Variants in KAZN observed in about 807,000 individuals in gnomAD.
KAZN encodes the protein kazrin, periplakin interacting protein.
Under a neutral mutation model 87.4 loss-of-function variants are expected in KAZN, and 40 were observed. The observed-to-expected ratio is 0.46, with a 90% CI of 0.36 to 0.60. The LOEUF (loss-of-function observed/expected upper bound fraction) is 0.60, where lower values mean the gene tolerates loss of function less well. Among genes scored for constraint, KAZN ranks in the 20% least tolerant of loss-of-function variants. KAZN has a pLI of 0.00. For missense variants in KAZN, 898 were observed against 1,073.9 expected (o/e 0.84, Z 2.29); for synonymous variants, 466 against 458.3 (o/e 1.02, Z -0.22).
At chr1:14,532,125 A>C (rs1025346144) in intron 2 of KAZN, among the ~76,000 whole-genome samples, 1 of 152,100 alleles carries the variant, frequency 6.6e-6, no homozygotes, top group Non-Finnish European at 1.5e-5. Context: ...TGTTGTGGGC[A>C]TGACAGCCTC....
rs1037089792 is a variant in KAZN, at chr1:14,592,664, T to C, written c.250-6319T>C. Among the ~76,000 whole-genome samples the C allele has an allele frequency of 4.2e-4, 64 of 152,322 alleles. 1 individual carries two copies. Among genetic ancestry groups the C allele is most frequent in the African/African-American group, 1.4e-3 (60 of 41,570 alleles). The stretch of plus-strand genomic sequence containing the variant: ...CGTTTGCAGGAAGTGGCCTTCAACA[T>C]TGGCTGCAGGGAGCAGGACCCCATT... On this transcript the variant is annotated intron_variant, in intron 2 of 16. Coordinates refer to the KAZN transcript ENST00000636203.
intron 1 of KAZN, among the ~76,000 whole-genome samples, chr1:14,706,839 T>C (rs1050817499): frequency 6.6e-6 from 1 of 152,164 alleles, no homozygotes; most frequent in East Asian, 1.9e-4. Context: ...TTGAGCTGTT[T>C]CTCTTGTAGA....
chr1:14,362,068 T>C (rs960503514), intron 2 of KAZN, among the ~76,000 whole-genome samples: 2 of 152,188 alleles, frequency 1.3e-5, no homozygotes, highest in Admixed American at 1.3e-4. Context: ...TAGCTATTGC[T>C]GCATGACAAT....
At chr1:14,496,036 G>T (rs773219831) in intron 2 of KAZN, among the ~76,000 whole-genome samples, 4 of 152,082 alleles carry the variant, frequency 2.6e-5, no homozygotes, top group Non-Finnish European at 4.4e-5. Flanking sequence ...AGCATTTTGA[G>T]TTTATTAGAC....
At chr1:14,584,737 T>C (rs2473625) in intron 2 of KAZN, among the ~76,000 whole-genome samples, 126,683 of 151,696 alleles carry the variant, frequency 0.84, 53,133 homozygotes, top group African/African-American at 0.92. Flanking sequence ...CTCTGCCTCC[T>C]GGGTTCAAGC....
chr1:14,776,413 C>A (rs1268532850), intron 1 of KAZN, among the ~76,000 whole-genome samples: 1 of 152,206 alleles, frequency 6.6e-6, no homozygotes, highest in South Asian at 2.1e-4. Flanking sequence ...GGCACATGAC[C>A]CAGACCCCTG....
At chr1:14,665,880 G>T (rs558551872) in intron 1 of KAZN, among the ~76,000 whole-genome samples, 10 of 148,730 alleles carry the variant, frequency 6.7e-5, no homozygotes, top group Non-Finnish European at 8.9e-5. Flanking sequence ...AGTGTCCAAG[G>T]GTGTCATTTT....
Position 14,184,809 on chromosome 1 carries a change from C to T in KAZN, c.249+4217C>T, listed in dbSNP as rs967447010. On this transcript the variant is annotated intron_variant, in intron 2 of 16. Coordinates refer to the KAZN transcript ENST00000636203. This position sits in a 1 kb window ranked among gnomAD's most constrained non-coding sequence, Gnocchi z 4.2. ...CCTGGCAGATAGGGAGGGTTAGCGC[C>T]CCAAAGTCAACATCATCTTGCATTG... is the stretch of plus-strand genomic sequence containing the variant. 1.3e-5 allele frequency among the ~76,000 whole-genome samples: 2 copies of T among 152,240 alleles called. No individual in the cohort carries two copies. Among genetic ancestry groups the T allele is most frequent in the Admixed American group, 6.5e-5 (1 of 15,282 alleles).
rs145850255 is a variant in KAZN, at chr1:14,882,154, G to A, written c.227-78530G>A. Among the ~76,000 whole-genome samples the A allele has an allele frequency of 1.8e-4, 28 of 152,288 alleles. No individual in the cohort carries two copies. The East Asian group carries it at 3.7e-3, about 20-fold the overall frequency. On this transcript the variant is annotated intron_variant, in intron 1 of 14. Coordinates refer to ENST00000376030, the MANE Select transcript of KAZN (RefSeq NM_201628.3). ...TAGCCAGAGACTGGCTCATCCTCTCGCCTTGCCCTACAGTTTTTCATAACT... is the reference window on the plus strand; with the variant it reads ...TAGCCAGAGACTGGCTCATCCTCTCACCTTGCCCTACAGTTTTTCATAACT...
chr1:14,527,719 T>C (rs916865969), intron 2 of KAZN, among the ~76,000 whole-genome samples: 1 of 151,958 alleles, frequency 6.6e-6, no homozygotes, highest in Non-Finnish European at 1.5e-5. Flanking sequence ...AGAGAGGAAG[T>C]AAGGAAGAAG....
At chr1:14,624,360 T>C (rs1326855960) in intron 1 of KAZN, among the ~76,000 whole-genome samples, 1 of 151,568 alleles carries the variant, frequency 6.6e-6, no homozygotes, top group Non-Finnish European at 1.5e-5. Flanking sequence ...AGGCGGAGGT[T>C]GCAGTGAGCC....
chr1:14,414,802 A>G (rs988210581), intron 2 of KAZN, among the ~76,000 whole-genome samples: 3 of 152,160 alleles, frequency 2.0e-5, no homozygotes, highest in African/African-American at 7.2e-5. Flanking sequence ...AGGATGATGG[A>G]TCACCTGAGG....
At chr1:14,207,944 T>C (rs1646777645) in intron 2 of KAZN, among the ~76,000 whole-genome samples, 1 of 152,208 alleles carries the variant, frequency 6.6e-6, no homozygotes, top group Non-Finnish European at 1.5e-5. Flanking sequence ...GCTTTGAAGC[T>C]TTTGCAACAA....
intron 10 of KAZN, among the ~76,000 whole-genome samples, chr1:15,095,341 C>A (rs1242700443): frequency 6.6e-6 from 1 of 152,194 alleles, no homozygotes; most frequent in Non-Finnish European, 1.5e-5. Context: ...AGAGCCGAGG[C>A]AGGCAGAGAT....
At chr1:14,841,910 A>T (rs1318667385) in intron 1 of KAZN, among the ~76,000 whole-genome samples, 1 of 152,150 alleles carries the variant, frequency 6.6e-6, no homozygotes, top group Admixed American at 6.5e-5. Context: ...ATACTCATCC[A>T]GGCTAGCTGT....
chr1:14,228,157 A>G (rs1356967815), intron 2 of KAZN, among the ~76,000 whole-genome samples: 2 of 152,112 alleles, frequency 1.3e-5, no homozygotes, highest in Non-Finnish European at 2.9e-5. Flanking sequence ...TGACAATGAT[A>G]GTGATGATGA....
At chr1:14,062,952 C>G (rs1280476156) in intron 1 of KAZN, among the ~76,000 whole-genome samples, 1 of 152,068 alleles carries the variant, frequency 6.6e-6, no homozygotes. Flanking sequence ...ATAGATGAGA[C>G]GTGGCTGGAA....
At chr1:14,298,723 G>T (rs116353903) in intron 2 of KAZN, among the ~76,000 whole-genome samples, 3 of 152,188 alleles carry the variant, frequency 2.0e-5, no homozygotes, top group Non-Finnish European at 4.4e-5. Context: ...TTGGAAATGT[G>T]GGGGAGAGAG....
intron 1 of KAZN, chr1:14,924,112 A>G: frequency 2.0e-6 from 2 of 980,332 alleles, no homozygotes; most frequent in Non-Finnish European, 2.4e-6. Context: ...GAGCGGGAGG[A>G]GGAGCCGCGG....
Sources: gnomAD v4.1 joint callset for allele counts (sites outside exome capture counted in the v4.1 genomes callset) on GRCh38, gnomAD v4.1.1 for gene constraint, Gnocchi (gnomAD v3.1) non-coding constraint, MANE v1.5 for transcripts, NCBI Gene and HGNC (gene_info 2026-07-23, HGNC 2026-07-21) for gene names.